Variants in TIMM17A observed in about 807,000 individuals in gnomAD.
The protein encoded by TIMM17A is mitochondrial import inner membrane translocase subunit Tim17-A.
TIMM17A carries 15 observed loss-of-function variants against 26.5 expected under a neutral mutation model. The ratio of observed to expected loss-of-function variants is 0.57; its 90% CI spans 0.38 to 0.87. The LOEUF is 0.87. Ranked by LOEUF, TIMM17A falls within the 40% of genes least tolerant of loss-of-function variation. The probability of loss-of-function intolerance (pLI) is 0.00; values close to 1 mark genes in which losing one functional copy is unlikely to be tolerated. For synonymous variants in TIMM17A, 80 were observed against 70.8 expected, an observed-to-expected ratio of 1.13 and a Z score of -0.66; for missense variants, 201 against 210.0, an observed-to-expected ratio of 0.96 and a Z score of 0.27.
At chr1:201,955,754 T>A (rs758415051) in intron 1 of TIMM17A, among the ~76,000 whole-genome samples, 1 of 152,156 alleles carries the variant, frequency 6.6e-6, no homozygotes, top group Non-Finnish European at 1.5e-5. Flanking sequence ...TGAGCCTCCC[T>A]CTCCCAACCC....
rs956867914 is a variant in TIMM17A at position 201,969,887 on chromosome 1, C to T, written c.*333C>T. On this transcript the variant is annotated 3_prime_UTR_variant, in exon 6 of 6. Transcript: ENST00000367287. ...ATCATCTCCTTGCGGACTTCTCTGC[C>T]TGGTTTTGTGTGTTCTGTTATTCAA... The T allele has an allele frequency of 2.7e-5, 5 of 183,750 alleles. No homozygotes were observed. Among genetic ancestry groups the T allele is most frequent in the Non-Finnish European group, 4.5e-5 (4 of 88,444 alleles). 11.4% of individuals were successfully genotyped at this position (183,750 alleles called of 1,614,324 possible).
chr1:201,968,028 G>A (rs966626748), intron 5 of TIMM17A, among the ~76,000 whole-genome samples: 4 of 150,920 alleles, frequency 2.7e-5, no homozygotes, highest in East Asian at 4.0e-4. Flanking sequence ...ACAGAGTCTC[G>A]GTCTGTCGCC....
At chr1:201,960,862 C>T (rs187048151) in intron 3 of TIMM17A, among the ~76,000 whole-genome samples, 3 of 152,068 alleles carry the variant, frequency 2.0e-5, no homozygotes, top group East Asian at 3.9e-4. Context: ...GATGCTCCCA[C>T]CTCAGCCTCC....
At chr1:201,969,342 T>A in intron 5 of TIMM17A, 127 bp from the exon 6 acceptor site, 1 of 720,568 alleles carries the variant, frequency 1.4e-6, no homozygotes, top group Non-Finnish European at 2.3e-6. Context: ...ATAAAGAAAT[T>A]TAGGGTTATA....
intron 4 of TIMM17A, 149 bp from the exon 5 acceptor site, chr1:201,965,284 G>A: frequency 3.3e-6 from 2 of 611,182 alleles, no homozygotes; most frequent in Admixed American, 2.9e-5. Flanking sequence ...GTGGGTGGCT[G>A]TAGTTTACTG....
At position 201,957,348 on chromosome 1, in the gene TIMM17A, C is replaced by T; in HGVS notation, c.94C>T (p.Gln32Ter). 3 of 1,613,958 alleles carry T rather than the reference C, an allele frequency of 1.9e-6. No individual in the cohort carries two copies. The highest frequency in any genetic ancestry group is 2.5e-6 in the Non-Finnish European group (3 of 1,179,890). ...TMGTIGGGIF[Q>*]AIKGFRNSPV... Reference sequence around the variant, plus strand: ...GGGTACCATTGGTGGTGGTATCTTTCAAGCAATCAAAGGTTTTCGCAATTC... The same window carrying T: ...GGGTACCATTGGTGGTGGTATCTTTTAAGCAATCAAAGGTTTTCGCAATTC... The change falls in exon 2 of 6, where the codon CAA becomes TAA. Residue 32 changes from glutamine to a stop codon, truncating the protein, a stop_gained. Transcript: ENST00000367287. LOFTEE classifies it high-confidence loss of function.
rs181302012 is a variant in TIMM17A at position 201,963,401 on chromosome 1, C to T, written c.191-215C>T. 2,231 of 464,020 alleles carry T rather than the reference C, an allele frequency of 4.8e-3. 23 individuals carry two copies. Among genetic ancestry groups the T allele is most frequent in the Non-Finnish European group, 4.3e-3 (1,142 of 267,700 alleles). The allele number at this position is 464,020 out of a possible 1,614,324, so 28.7% of individuals were successfully genotyped here. On this transcript the variant is annotated intron_variant, in intron 3 of 5. Transcript: ENST00000367287. ...GGCTTATTTCTTATAGGCTTTGGGCCGTTGCTAATTTTCCAGCTGATATAA... is the reference window on the plus strand; with the variant it reads ...GGCTTATTTCTTATAGGCTTTGGGCTGTTGCTAATTTTCCAGCTGATATAA...
At chr1:201,969,401 G>A (rs1682692623) in intron 5 of TIMM17A, 68 bp from the exon 6 acceptor site, 1 of 1,249,496 alleles carries the variant, frequency 8.0e-7, no homozygotes, top group East Asian at 2.4e-5. Context: ...ACTCTCTATA[G>A]AGATTTGTTC....
intron 4 of TIMM17A, 132 bp downstream of exon 4, chr1:201,963,876 A>G (rs1682577296): frequency 2.9e-6 from 3 of 1,041,748 alleles, no homozygotes; most frequent in Admixed American, 3.6e-5. Context: ...CTATAATTCC[A>G]TCACTTGGGA....
intron 3 of TIMM17A, among the ~76,000 whole-genome samples, chr1:201,960,796 T>C (rs1445080523): frequency 6.6e-6 from 1 of 152,074 alleles, no homozygotes; most frequent in African/African-American, 2.4e-5. Flanking sequence ...TCACCCAGGC[T>C]GGAGTGTGGT....
chr1:201,960,757 TTTTC>T (rs1365936007), intron 3 of TIMM17A, among the ~76,000 whole-genome samples: 3 of 151,642 alleles, frequency 2.0e-5, no homozygotes, highest in Middle Eastern at 3.4e-3. Context: ...AGGTGTTATA[TTTTC>T]TTTCTTTTTT....
chr1:201,958,693 A>G (rs530059906), intron 3 of TIMM17A, among the ~76,000 whole-genome samples: 1 of 152,358 alleles, frequency 6.6e-6, no homozygotes, highest in Non-Finnish European at 1.5e-5. Flanking sequence ...CCCTGTCTCA[A>G]ACAGCAACAA....
At chr1:201,957,775 G>A in intron 3 of TIMM17A, 1 of 498,588 alleles carries the variant, frequency 2.0e-6, no homozygotes, top group Non-Finnish European at 3.5e-6. Flanking sequence ...TGAAAATCTT[G>A]TCTCTGTCCT....
chr1:201,962,677 G>A (rs1367980886), intron 3 of TIMM17A: 1 of 152,172 alleles, frequency 6.6e-6, no homozygotes, highest in African/African-American at 2.4e-5. Flanking sequence ...GAGTTTAAGT[G>A]CAAAGTAATC....
chr1:201,964,156 G>GA (rs1362830634), intron 4 of TIMM17A, among the ~76,000 whole-genome samples: 2 of 151,374 alleles, frequency 1.3e-5, no homozygotes. Flanking sequence ...ATGGTGATTT[G>GA]AAAAAAAAGT....
intron 5 of TIMM17A, among the ~76,000 whole-genome samples, chr1:201,966,352 ACT>A (rs1406258260): frequency 4.0e-5 from 6 of 151,852 alleles, no homozygotes; most frequent in East Asian, 3.9e-4. Flanking sequence ...ATGGAGCGAG[ACT>A]CTGTCTCAAA....
chr1:201,957,530 G>A lies in TIMM17A; in HGVS notation c.146G>A (p.Arg49Gln), dbSNP rs773976523. The A allele has an allele frequency of 5.6e-6, 9 of 1,613,766 alleles. No individual in the cohort carries two copies. In the East Asian group the frequency reaches 6.7e-5, roughly 12 times the overall value. Residue 49 changes from arginine to glutamine, a missense_variant, in exon 3 of 6, where the codon CGA becomes CAA. Coordinates refer to ENST00000367287, the MANE Select transcript of TIMM17A (RefSeq NM_006335.3). ...TTATAGGGAGTAAACCACAGACTACGAGGGAGTTTGACAGCTATTAAAACC... is the reference window on the plus strand; with the variant it reads ...TTATAGGGAGTAAACCACAGACTACAAGGGAGTTTGACAGCTATTAAAACC... ...NSPVGVNHRL[R>Q]GSLTAIKTRA... is the part of the protein sequence containing the mutation.
intron 3 of TIMM17A, among the ~76,000 whole-genome samples, chr1:201,960,054 A>G (rs1682495686): frequency 6.6e-6 from 1 of 152,096 alleles, no homozygotes; most frequent in South Asian, 2.1e-4. Context: ...TGGAACAGAA[A>G]AAGGACATTA....
intron 5 of TIMM17A, among the ~76,000 whole-genome samples, chr1:201,966,756 C>T (rs1022863065): frequency 6.0e-5 from 9 of 151,032 alleles, no homozygotes; most frequent in Admixed American, 4.0e-4. Flanking sequence ...GTACAAGAAT[C>T]ACTTGAACCT....
Sources: allele counts gnomAD v4.1 joint callset (sites outside exome capture counted in the v4.1 genomes callset), GRCh38; gene constraint gnomAD v4.1.1; transcripts MANE v1.5; gene names NCBI Gene and HGNC (gene_info 2026-07-23, HGNC 2026-07-21).